MTUS2: variants seen among roughly 807,000 people sequenced by gnomAD.
The protein encoded by MTUS2 is microtubule-associated tumor suppressor candidate 2.
Under a neutral mutation model 114.1 loss-of-function variants are expected in MTUS2, and 40 were observed. That is an observed-to-expected ratio of 0.35 (90% CI 0.27 to 0.46). The LOEUF (loss-of-function observed/expected upper bound fraction) is 0.46, where lower values mean the gene tolerates loss of function less well. Among genes scored for constraint, MTUS2 ranks in the 20% least tolerant of loss-of-function variants. The probability of loss-of-function intolerance (pLI) is 1.00; values close to 1 mark genes in which losing one functional copy is unlikely to be tolerated. For missense variants in MTUS2, 1,679 were observed against 1,705.4 expected (o/e 0.98, Z 0.27); for synonymous variants, 688 against 672.0 (o/e 1.02, Z -0.37).
intron 4 of MTUS2, among the ~76,000 whole-genome samples, chr13:29,100,551 C>G (rs1890367476): frequency 6.6e-6 from 1 of 152,112 alleles, no homozygotes; most frequent in Non-Finnish European, 1.5e-5. Context: ...TTTGTCCAGG[C>G]TGGGGCTGCA....
intron 11 of MTUS2, among the ~76,000 whole-genome samples, chr13:29,492,009 ATGTG>A (rs1232764275): frequency 2.0e-5 from 1 of 49,392 alleles, no homozygotes; most frequent in African/African-American, 9.2e-5. Context: ...GTGTATGTGA[ATGTG>A]TGTGGTAGGT....
intron 8 of MTUS2, among the ~76,000 whole-genome samples, chr13:29,401,427 T>C (rs1180395663): frequency 6.6e-6 from 1 of 152,224 alleles, no homozygotes; most frequent in Non-Finnish European, 1.5e-5. Context: ...TGATTCATAC[T>C]TAGGTCCTCC....
At chr13:29,012,415 A>AG (rs979502542) in intron 2 of MTUS2, among the ~76,000 whole-genome samples, 3 of 152,186 alleles carry the variant, frequency 2.0e-5, no homozygotes, top group Non-Finnish European at 4.4e-5. Flanking sequence ...CACATTGCAG[A>AG]GGAGAATAAG....
At chr13:29,136,476 G>T (rs1891983098) in intron 5 of MTUS2, among the ~76,000 whole-genome samples, 1 of 152,186 alleles carries the variant, frequency 6.6e-6, no homozygotes, top group African/African-American at 2.4e-5. Flanking sequence ...TCAGGAGGTT[G>T]GGACTTTCAG....
At chr13:29,332,697 C>T (rs1463489792) in intron 7 of MTUS2, among the ~76,000 whole-genome samples, 45 of 148,490 alleles carry the variant, frequency 3.0e-4, no homozygotes, top group African/African-American at 9.7e-4. Context: ...TGCAGTGGCG[C>T]GATCTCGGCT....
chr13:29,270,352 T>C (rs1463038658), intron 5 of MTUS2, among the ~76,000 whole-genome samples: 2 of 151,688 alleles, frequency 1.3e-5, no homozygotes, highest in Non-Finnish European at 2.9e-5. Flanking sequence ...CAAAGGGAGG[T>C]CTCAGACGCG....
intron 8 of MTUS2, among the ~76,000 whole-genome samples, chr13:29,430,678 T>G (rs186410584): frequency 2.0e-3 from 300 of 152,354 alleles, no homozygotes; most frequent in Non-Finnish European, 3.2e-3. Context: ...TCTTTTTAAA[T>G]TAAAAAACAC....
intron 5 of MTUS2, among the ~76,000 whole-genome samples, chr13:29,238,151 G>A (rs181955095): frequency 7.9e-4 from 121 of 152,234 alleles, no homozygotes; most frequent in African/African-American, 2.6e-3. Context: ...GCCAAGACAA[G>A]AAGACAACCT....
intron 8 of MTUS2, among the ~76,000 whole-genome samples, chr13:29,400,036 T>C (rs1874204907): frequency 6.6e-6 from 1 of 152,194 alleles, no homozygotes; most frequent in Non-Finnish European, 1.5e-5. Context: ...GAATGAATGC[T>C]GTGAATGAAT....
intron 8 of MTUS2, among the ~76,000 whole-genome samples, chr13:29,431,783 G>T (rs1442248210): frequency 1.3e-5 from 2 of 152,170 alleles, no homozygotes; most frequent in African/African-American, 4.8e-5. Context: ...ATGGTGCATA[G>T]GGAGTGTGGG....
At chr13:29,068,378 C>T (rs977988046) in intron 4 of MTUS2, among the ~76,000 whole-genome samples, 9 of 151,514 alleles carry the variant, frequency 5.9e-5, no homozygotes, top group Non-Finnish European at 8.8e-5. Context: ...AAGTTTCCTC[C>T]GTCTACACCC....
chr13:29,188,274 A>G (rs560343127), intron 5 of MTUS2, among the ~76,000 whole-genome samples: 1 of 152,346 alleles, frequency 6.6e-6, no homozygotes, highest in East Asian at 1.9e-4. Flanking sequence ...CCATGGCAAA[A>G]GAGTGGGAGA....
chr13:29,172,101 GA>G (rs892733191), intron 5 of MTUS2, among the ~76,000 whole-genome samples: 29 of 152,318 alleles, frequency 1.9e-4, no homozygotes, highest in African/African-American at 7.0e-4. Context: ...AGCTTGGAGA[GA>G]AAAGGTGATT....
chr13:28,897,490 C>T (rs944455881), intron 2 of MTUS2, among the ~76,000 whole-genome samples: 9 of 152,088 alleles, frequency 5.9e-5, no homozygotes, highest in African/African-American at 1.4e-4. Context: ...GTCAGTGTGG[C>T]GATTCCTCAG....
intron 5 of MTUS2, among the ~76,000 whole-genome samples, chr13:29,267,780 GC>G (rs35119386): frequency 0.014 from 2,167 of 152,204 alleles, 22 homozygotes; most frequent in East Asian, 0.073. Context: ...CAGCAGGGAG[GC>G]CTGCATCCGA....
chr13:29,371,309 C>T (rs1247598096), intron 8 of MTUS2, among the ~76,000 whole-genome samples: 2 of 149,946 alleles, frequency 1.3e-5, no homozygotes, highest in African/African-American at 4.9e-5. Context: ...CCTCTGCTTC[C>T]TGGGTTCAAG....
At chr13:28,955,399 C>T (rs1883012189) in intron 2 of MTUS2, among the ~76,000 whole-genome samples, 1 of 152,214 alleles carries the variant, frequency 6.6e-6, no homozygotes, top group South Asian at 2.1e-4. Flanking sequence ...TTGTTGTCAG[C>T]ATATTGCCAC....
chr13:29,095,042 A>G (rs903223774), intron 4 of MTUS2, among the ~76,000 whole-genome samples: 2 of 152,000 alleles, frequency 1.3e-5, no homozygotes, highest in Non-Finnish European at 2.9e-5. Context: ...TATCATTTCA[A>G]TCCTTTTTAA....
chr13:28,937,159 C>A (rs562762394), intron 2 of MTUS2, among the ~76,000 whole-genome samples: 7 of 150,784 alleles, frequency 4.6e-5, no homozygotes, highest in Non-Finnish European at 8.9e-5. Context: ...GAGAACTTTT[C>A]TGTCTTACAA....
Sources: gnomAD v4.1 joint callset for allele counts (sites outside exome capture counted in the v4.1 genomes callset) on GRCh38, gnomAD v4.1.1 for gene constraint, MANE v1.5 for transcripts, NCBI Gene and HGNC (gene_info 2026-07-23, HGNC 2026-07-21) for gene names.